MICAL3: variants seen among roughly 807,000 people sequenced by gnomAD.
MICAL3 encodes the protein microtubule associated monooxygenase, calponin and LIM domain containing 3.
Under a neutral mutation model 207.4 loss-of-function variants are expected in MICAL3, and 62 were observed. That is an observed-to-expected ratio of 0.30 (90% CI 0.24 to 0.37). MICAL3 has a LOEUF of 0.37. Ranked by LOEUF, MICAL3 falls within the 10% of genes least tolerant of loss-of-function variation. The pLI, the probability that MICAL3 is intolerant of heterozygous loss-of-function variation, is 1.00. For synonymous variants in MICAL3, 1,077 were observed against 1,069.3 expected, an observed-to-expected ratio of 1.01 and a Z score of -0.14; for missense variants, 2,368 against 2,635.6, an observed-to-expected ratio of 0.90 and a Z score of 2.22.
chr22:17,861,654 G>A, intron 19 of MICAL3: 1 of 985,414 alleles, frequency 1.0e-6, no homozygotes, highest in South Asian at 4.7e-5. Flanking sequence ...CTAAAGTCAT[G>A]GTGGACAGTA....
intron 16 of MICAL3, chr22:17,884,175 T>C (rs1929666746): frequency 1.5e-6 from 1 of 689,274 alleles, no homozygotes; most frequent in South Asian, 2.1e-5. Flanking sequence ...CCTCATGAGC[T>C]AGGATTCCAG....
chr22:17,791,492 G>A (rs1306543685), intron 29 of MICAL3, 191 bp from the exon 30 acceptor site: 6 of 604,274 alleles, frequency 9.9e-6, no homozygotes, highest in East Asian at 5.7e-5. Flanking sequence ...GCGCTTTCCC[G>A]TGTCCTGCCA....
At chr22:17,791,652 T>C (rs775534819) in intron 29 of MICAL3, 2 of 322,118 alleles carry the variant, frequency 6.2e-6, no homozygotes, top group Admixed American at 4.2e-5. Context: ...GCACTTGCTA[T>C]GTACTAGGTC....
chr22:17,803,791 A>G, intron 29 of MICAL3: 1 of 983,802 alleles, frequency 1.0e-6, no homozygotes, highest in Non-Finnish European at 1.2e-6. Context: ...TAGTGTCAGC[A>G]CAGGCGCTGC....
chr22:17,929,371 A>G (rs2146314072), intron 1 of MICAL3, among the ~76,000 whole-genome samples: 1 of 150,274 alleles, frequency 6.7e-6, no homozygotes, highest in South Asian at 2.1e-4. Context: ...TCCAAGTGCT[A>G]GGATTAAGAG....
At chr22:17,890,846 G>A (rs940657695) in intron 12 of MICAL3, among the ~76,000 whole-genome samples, 4 of 152,198 alleles carry the variant, frequency 2.6e-5, no homozygotes, top group Non-Finnish European at 4.4e-5. Flanking sequence ...TGGGTGTGCT[G>A]GTCCCCGCAG....
At chr22:18,000,791 C>A (rs995924188) in intron 1 of MICAL3, among the ~76,000 whole-genome samples, 2 of 152,204 alleles carry the variant, frequency 1.3e-5, no homozygotes, top group African/African-American at 4.8e-5. Context: ...GGGGTCCTCT[C>A]GGCCACCTAC....
chr22:18,014,697 A>G (rs1414928555), intron 1 of MICAL3, among the ~76,000 whole-genome samples: 1 of 152,218 alleles, frequency 6.6e-6, no homozygotes, highest in African/African-American at 2.4e-5. Context: ...ATAAGCAGTT[A>G]AAGAGAAAGT....
intron 1 of MICAL3, among the ~76,000 whole-genome samples, chr22:17,973,316 C>A (rs1382799523): frequency 6.6e-6 from 1 of 152,158 alleles, no homozygotes; most frequent in Non-Finnish European, 1.5e-5. Context: ...TCAGAAAAGA[C>A]GGCTTACCAA....
chr22:18,010,627 C>CCTTTT, intron 1 of MICAL3, among the ~76,000 whole-genome samples: 1 of 152,168 alleles, frequency 6.6e-6, no homozygotes, highest in East Asian at 1.9e-4. Context: ...GTGAGCTTCC[C>CCTTTT]CTTTTCTTTT....
chr22:17,968,557 T>C lies in MICAL3; in HGVS notation c.-75+55724A>G, dbSNP rs553904857. Among the ~76,000 whole-genome samples, 10 of 152,302 alleles carry C rather than the reference T, an allele frequency of 6.6e-5. No individual in the cohort carries two copies. In the East Asian group the frequency reaches 1.9e-3, roughly 29 times the overall value. ...TAGTATGTGCCTCTTATGGATGTAA[T>C]GATTTTGAGGTGAGGTTCAAATAAA... is the stretch of plus-strand genomic sequence containing the variant. On this transcript the variant is annotated intron_variant, in intron 1 of 31. Transcript: ENST00000441493.
intron 1 of MICAL3, chr22:17,983,651 C>T (rs1602346950): frequency 6.5e-6 from 1 of 152,966 alleles, no homozygotes; most frequent in African/African-American, 2.4e-5. Flanking sequence ...CTGCTTGTCC[C>T]ACACCAGGTC....
chr22:17,977,091 C>T (rs560062237), intron 1 of MICAL3, among the ~76,000 whole-genome samples: 10 of 152,142 alleles, frequency 6.6e-5, no homozygotes, highest in Non-Finnish European at 1.3e-4. Flanking sequence ...CGTGAGCCAC[C>T]ACGCCCGGCA....
chr22:17,818,275 C>T lies in MICAL3; in HGVS notation c.4386G>A (p.Pro1462=), dbSNP rs1469076727. The T allele has an allele frequency of 1.5e-4, 29 of 199,178 alleles. No homozygotes were observed. The highest frequency in any genetic ancestry group is 1.1e-3 in the African/African-American group (18 of 16,452). 12.3% of individuals were successfully genotyped at this position (199,178 alleles called of 1,614,324 possible). The change falls in exon 26 of 32, where the codon CCG becomes CCA. Residue 1462 remains proline (P), a synonymous_variant. Coordinates refer to ENST00000441493, the MANE Select transcript of MICAL3 (RefSeq NM_015241.3). ...TGGCGGGCTCCTCGCCCGGGGGTGG[C>T]GGTGGGGGCGGGCTGGAGGGGGGCG... The part of the protein sequence containing the change: ...MLTPPSSPPP[P]PPPGEEPATL...
At chr22:17,843,547 C>T (rs539187472) in intron 19 of MICAL3, among the ~76,000 whole-genome samples, 2 of 152,194 alleles carry the variant, frequency 1.3e-5, no homozygotes, top group African/African-American at 2.4e-5. Context: ...AATGATGGCA[C>T]CACCCACCTC....
chr22:17,901,909 G>C lies in MICAL3; in HGVS notation c.660C>G (p.Ile220Met). Residue 220 changes from isoleucine to methionine, a missense_variant, in exon 5 of 32, where the codon ATC becomes ATG. Ile to Met is a conservative substitution (Grantham distance 10). Transcript: ENST00000441493. ...PVSEYEFEVI[I>M]GGDGRRNTLE... ...AGGTGTTCCTCCGACCATCCCCACC[G>C]ATGATCACTTCAAATTCATACTCTG... The C allele has an allele frequency of 6.2e-7, 1 of 1,613,708 alleles. No individual in the cohort carries two copies. The highest frequency in any genetic ancestry group is 8.5e-7 in the Non-Finnish European group (1 of 1,179,774).
intron 1 of MICAL3, among the ~76,000 whole-genome samples, chr22:17,973,838 T>C (rs147030361): frequency 5.3e-4 from 81 of 152,012 alleles, no homozygotes; most frequent in African/African-American, 1.8e-3. Flanking sequence ...GGAGGATCAT[T>C]TGCACCTGGG....
chr22:17,826,265 TGA>T (rs895875332), intron 22 of MICAL3, among the ~76,000 whole-genome samples: 1 of 135,892 alleles, frequency 7.4e-6, no homozygotes, highest in African/African-American at 2.7e-5. Flanking sequence ...TGAGCTGCCC[TGA>T]AGGGGGGGTG....
At chr22:17,957,645 G>A (rs899323392) in intron 1 of MICAL3, among the ~76,000 whole-genome samples, 3 of 150,362 alleles carry the variant, frequency 2.0e-5, no homozygotes, top group Non-Finnish European at 4.4e-5. Context: ...AGGAAGCAGA[G>A]GTTGCAGTGA....
Sources: gnomAD v4.1 joint callset for allele counts (sites outside exome capture counted in the v4.1 genomes callset) on GRCh38, gnomAD v4.1.1 for gene constraint, MANE v1.5 for transcripts, NCBI Gene and HGNC (gene_info 2026-07-23, HGNC 2026-07-21) for gene names.